SDK1: variants seen among roughly 807,000 people sequenced by gnomAD.
SDK1 encodes the protein sidekick cell adhesion molecule 1.
In SDK1, 157 loss-of-function variants were observed where a neutral mutation model predicts 245.5. That is an observed-to-expected ratio of 0.64 (90% CI 0.56 to 0.73). The LOEUF (loss-of-function observed/expected upper bound fraction) is 0.73. Among genes scored for constraint, SDK1 ranks in the 30% least tolerant of loss-of-function variants. SDK1 has a pLI of 0.00. For missense variants in SDK1, 3,583 were observed against 3,002.3 expected (o/e 1.19, Z -4.52); for synonymous variants, 1,647 against 1,278.5 (o/e 1.29, Z -6.15).
intron 14 of SDK1, among the ~76,000 whole-genome samples, chr7:4,000,714 C>T (rs749512636): frequency 1.3e-5 from 2 of 152,202 alleles, no homozygotes; most frequent in East Asian, 1.9e-4. Context: ...CTTTGTTCTT[C>T]ATGCTTCAAA....
chr7:3,720,493 G>A (rs908413735), intron 4 of SDK1, among the ~76,000 whole-genome samples: 1 of 152,116 alleles, frequency 6.6e-6, no homozygotes, highest in Admixed American at 6.5e-5. Flanking sequence ...AACTTTACTA[G>A]CCACCAGGAA....
chr7:3,392,154 T>G (rs944954563), intron 1 of SDK1, among the ~76,000 whole-genome samples: 1 of 152,024 alleles, frequency 6.6e-6, no homozygotes, highest in African/African-American at 2.4e-5. Flanking sequence ...ACTGAACGCT[T>G]AAAACCTTTG....
rs375127925 is a variant in SDK1, at chr7:3,850,169, C to G, written c.847+28586C>G. Among the ~76,000 whole-genome samples, 46 of 152,308 alleles carry G rather than the reference C, an allele frequency of 3.0e-4. 1 individual carries two copies. The highest frequency in any genetic ancestry group is 2.7e-3 in the South Asian group (13 of 4,824). On this transcript the variant is annotated intron_variant, in intron 5 of 44. Coordinates refer to ENST00000404826, the MANE Select transcript of SDK1 (RefSeq NM_152744.4). ...CCTGCCCTGGGAATGGACCCACCCCCCTTCGAGTCTGGCCCTGCCACTCAT... is the reference window on the plus strand; with the variant it reads ...CCTGCCCTGGGAATGGACCCACCCCGCTTCGAGTCTGGCCCTGCCACTCAT...
chr7:3,974,754 G>A lies in SDK1; in HGVS notation c.1994+209G>A, dbSNP rs762925934. The stretch of plus-strand genomic sequence containing the variant: ...TCGGAATTGAGAAGTTTCGTTTTTG[G>A]TGTAGATGGTGTGATCATTGGTTTT... On this transcript the variant is annotated intron_variant, in intron 13 of 44. Coordinates refer to ENST00000404826, the MANE Select transcript of SDK1 (RefSeq NM_152744.4). 65 of 523,604 alleles carry A rather than the reference G, an allele frequency of 1.2e-4. 1 individual carries two copies. The highest frequency in any genetic ancestry group is 7.5e-4 in the South Asian group (27 of 35,884). 32.4% of individuals were successfully genotyped at this position (523,604 alleles called of 1,614,324 possible).
chr7:3,392,961 A>ATTTATT (rs1781796839), intron 1 of SDK1, among the ~76,000 whole-genome samples: 1 of 87,124 alleles, frequency 1.1e-5, no homozygotes, highest in East Asian at 3.2e-4. Context: ...CCTGTTTTAA[A>ATTTATT]TTTTTTTTTT....
rs536309169 is a variant in SDK1 at position 3,774,188 on chromosome 7, C to T, written c.714-47262C>T. Among the ~76,000 whole-genome samples the T allele has an allele frequency of 5.0e-3, 720 of 143,736 alleles. 5 individuals are homozygous for T. The highest frequency in any genetic ancestry group is 0.018 in the African/African-American group (696 of 38,602). 94.3% of individuals were successfully genotyped at this position (143,736 alleles called of 152,430 possible). A position where few individuals can be genotyped will look rare whatever the true frequency, so the allele number is the denominator to read the frequency against. Reference sequence around the variant, plus strand: ...CAAGATAGCGCCACTGCACTCCAGCCTGGGCGACAGAGCGAGACTCCATCT... The same window carrying T: ...CAAGATAGCGCCACTGCACTCCAGCTTGGGCGACAGAGCGAGACTCCATCT... On this transcript the variant is annotated intron_variant, in intron 4 of 44. Transcript: ENST00000404826.
chr7:3,814,914 T>A (rs1779470096), intron 4 of SDK1, among the ~76,000 whole-genome samples: 1 of 152,148 alleles, frequency 6.6e-6, no homozygotes, highest in Non-Finnish European at 1.5e-5. Context: ...GCTCTCTGTT[T>A]GTATGTTGTT....
At chr7:3,644,263 A>ATG (rs1782750428) in intron 4 of SDK1, among the ~76,000 whole-genome samples, 1 of 150,034 alleles carries the variant, frequency 6.7e-6, no homozygotes, top group South Asian at 2.1e-4. Flanking sequence ...ATATATATAT[A>ATG]TATGCATGCA....
chr7:4,082,999 G>T (rs1781161474), intron 22 of SDK1, among the ~76,000 whole-genome samples: 1 of 151,950 alleles, frequency 6.6e-6, no homozygotes, highest in African/African-American at 2.4e-5. Context: ...TCTTTACGGT[G>T]GTTTTGATAA....
At chr7:3,725,788 T>C (rs1778990376) in intron 4 of SDK1, among the ~76,000 whole-genome samples, 1 of 152,192 alleles carries the variant, frequency 6.6e-6, no homozygotes, top group African/African-American at 2.4e-5. Context: ...GTCTTCTCTT[T>C]TATAAGCATG....
At chr7:4,076,297 T>C (rs2128176989) in intron 20 of SDK1, among the ~76,000 whole-genome samples, 1 of 152,300 alleles carries the variant, frequency 6.6e-6, no homozygotes, top group East Asian at 1.9e-4. Context: ...ACAGTGGCTG[T>C]AATCCCAACA....
At chr7:3,778,903 T>A (rs879907352) in intron 4 of SDK1, among the ~76,000 whole-genome samples, 3 of 152,238 alleles carry the variant, frequency 2.0e-5, no homozygotes, top group Admixed American at 2.0e-4. Flanking sequence ...CACTATAAAG[T>A]ACCTAAATGG....
At chr7:3,677,429 G>T (rs1394401712) in intron 4 of SDK1, among the ~76,000 whole-genome samples, 1 of 152,196 alleles carries the variant, frequency 6.6e-6, no homozygotes, top group Non-Finnish European at 1.5e-5. Flanking sequence ...ATGGCTGAAG[G>T]TGAATGAGGA....
chr7:3,919,328 C>T (rs1282320982), intron 5 of SDK1, among the ~76,000 whole-genome samples: 1 of 151,486 alleles, frequency 6.6e-6, no homozygotes, highest in Non-Finnish European at 1.5e-5. Context: ...GTGGGTGTCC[C>T]AGTCTTGCTC....
chr7:4,077,234 G>A, intron 21 of SDK1, 45 bp downstream of exon 21: 3 of 1,572,338 alleles, frequency 1.9e-6, no homozygotes, highest in Non-Finnish European at 2.6e-6. Flanking sequence ...CCTTTCTCTT[G>A]GAGATTCCCG....
At chr7:3,883,482 T>C (rs962519870) in intron 5 of SDK1, among the ~76,000 whole-genome samples, 1 of 152,178 alleles carries the variant, frequency 6.6e-6, no homozygotes, top group Admixed American at 6.5e-5. Context: ...CCTTCATTAT[T>C]TGAGGCCCCT....
chr7:3,558,361 A>G (rs1779651965), intron 1 of SDK1, among the ~76,000 whole-genome samples: 1 of 152,242 alleles, frequency 6.6e-6, no homozygotes, highest in Non-Finnish European at 1.5e-5. Flanking sequence ...ATTTTGGCAC[A>G]TACTGCCTGC....
At chr7:3,869,541 C>T (rs1780908252) in intron 5 of SDK1, among the ~76,000 whole-genome samples, 1 of 152,202 alleles carries the variant, frequency 6.6e-6, no homozygotes, top group South Asian at 2.1e-4. Context: ...CAGCTCCAGG[C>T]TTCCTGCAGC....
At chr7:3,932,421 C>A (rs1780009187) in intron 5 of SDK1, among the ~76,000 whole-genome samples, 1 of 152,168 alleles carries the variant, frequency 6.6e-6, no homozygotes, top group Admixed American at 6.5e-5. Context: ...TGCTTCGTAG[C>A]AGATTGAGTA....
Sources: gnomAD v4.1 joint callset for allele counts (sites outside exome capture counted in the v4.1 genomes callset) on GRCh38, gnomAD v4.1.1 for gene constraint, MANE v1.5 for transcripts, NCBI Gene and HGNC (gene_info 2026-07-23, HGNC 2026-07-21) for gene names.